The following GRIK4 variants were observed in gnomAD, a reference collection of about 807,000 sequenced individuals.
GRIK4 encodes the protein glutamate receptor ionotropic, kainate 4.
In GRIK4, 40 loss-of-function variants were observed where a neutral mutation model predicts 104.9. The observed-to-expected ratio is 0.38, with a 90% CI of 0.30 to 0.50. GRIK4 has a LOEUF of 0.50. GRIK4 is among the 20% of genes least tolerant of loss of function. GRIK4 has a pLI of 0.93. For synonymous variants in GRIK4, 485 were observed against 524.9 expected (o/e 0.92, Z 1.04); for missense variants, 1,047 against 1,308.1 (o/e 0.80, Z 3.08).
chr11:120,962,851 A>G, intron 18 of GRIK4, 170 bp downstream of exon 18: 1 of 540,574 alleles, frequency 1.8e-6, no homozygotes, highest in South Asian at 2.8e-5. Context: ...AAGCAAACAC[A>G]CATATTTCCT....
intron 7 of GRIK4, among the ~76,000 whole-genome samples, chr11:120,835,186 A>G (rs1029965561): frequency 1.3e-5 from 2 of 152,140 alleles, no homozygotes; most frequent in African/African-American, 4.8e-5. Flanking sequence ...ACCATGATAG[A>G]GTTACCCCCG....
chr11:120,845,146 G>A (rs192233660), intron 8 of GRIK4, among the ~76,000 whole-genome samples: 7 of 152,300 alleles, frequency 4.6e-5, no homozygotes, highest in Admixed American at 3.9e-4. Flanking sequence ...CAATGGCTTG[G>A]CATATGAGGT....
chr11:120,543,179 G>A lies in GRIK4; in HGVS notation c.-159+31292G>A, dbSNP rs1005603179. ...ATTGAGTACTAGGCTTAGTACCTGG[G>A]TGATGAAATAATCTGTACATCAAAC... On this transcript the variant is annotated intron_variant, in intron 1 of 20. Transcript: ENST00000527524. Among the ~76,000 whole-genome samples the A allele has an allele frequency of 3.4e-4, 51 of 152,182 alleles. 1 individual carries two copies. The highest frequency in any genetic ancestry group is 1.2e-3 in the African/African-American group (51 of 41,434).
rs767151431 is a variant in GRIK4 at position 120,953,923 on chromosome 11, T to G, written c.1700+959T>G. Among the ~76,000 whole-genome samples the G allele has an allele frequency of 6.6e-6, 1 of 152,178 alleles. No individual in the cohort carries two copies. The highest frequency in any genetic ancestry group is 1.5e-5 in the Non-Finnish European group (1 of 68,030). On this transcript the variant is annotated intron_variant, in intron 15 of 20. Transcript: ENST00000527524. The surrounding 1 kb of genome is among the most constrained non-coding windows in gnomAD (Gnocchi z 4.9). ...GAGCAGAGAACTACTCAGGAGGAGCTTCTGGAATCTGTCCGTGGCTCTGGT... is the reference window on the plus strand; with the variant it reads ...GAGCAGAGAACTACTCAGGAGGAGCGTCTGGAATCTGTCCGTGGCTCTGGT...
At chr11:120,695,871 G>A (rs1420040214) in intron 3 of GRIK4, among the ~76,000 whole-genome samples, 1 of 152,204 alleles carries the variant, frequency 6.6e-6, no homozygotes, top group African/African-American at 2.4e-5. Flanking sequence ...AGGAGCAATT[G>A]AAGGGACAAG....
At chr11:120,925,464 G>T (rs1196131108) in intron 13 of GRIK4, among the ~76,000 whole-genome samples, 1 of 152,150 alleles carries the variant, frequency 6.6e-6, no homozygotes, top group Non-Finnish European at 1.5e-5. Context: ...ATTAGTTCAG[G>T]TCTGCAGGTT....
chr11:120,898,790 G>C, intron 12 of GRIK4, 151 bp downstream of exon 12: 1 of 621,484 alleles, frequency 1.6e-6, no homozygotes, highest in South Asian at 1.9e-5. Context: ...TCAAGTTGCT[G>C]TTTCATATGG....
At chr11:120,562,947 G>A (rs538950976) in intron 1 of GRIK4, among the ~76,000 whole-genome samples, 1 of 152,322 alleles carries the variant, frequency 6.6e-6, no homozygotes. Context: ...GGCAGTGGGG[G>A]ACCCTATTTT....
At chr11:120,885,698 C>A (rs925058574) in intron 11 of GRIK4, among the ~76,000 whole-genome samples, 2 of 152,148 alleles carry the variant, frequency 1.3e-5, no homozygotes, top group African/African-American at 2.4e-5. Flanking sequence ...AACAGAAATT[C>A]TTAAAATCAC....
intron 11 of GRIK4, among the ~76,000 whole-genome samples, chr11:120,888,782 A>G (rs115173443): frequency 0.022 from 3,409 of 152,274 alleles, 116 homozygotes; most frequent in African/African-American, 0.076. Flanking sequence ...TGCTATGTGC[A>G]TTACACCCTG....
At chr11:120,582,493 T>C (rs1270975061) in intron 1 of GRIK4, among the ~76,000 whole-genome samples, 7 of 152,180 alleles carry the variant, frequency 4.6e-5, no homozygotes, top group Non-Finnish European at 8.8e-5. Context: ...CTTTGCTGTC[T>C]GTTGTTCCCT....
At position 120,961,083 on chromosome 11, in the gene GRIK4, C is replaced by T. The variant is rs777202057; in HGVS notation, c.2040+9C>T. ...GCATGACCTTCTTCCAAGTAAACCC[C>T]ATTTGGTTGCTCACCAGCATCGGGA... On this transcript the variant is annotated intron_variant, in intron 17 of 20. Coordinates refer to ENST00000527524, the MANE Select transcript of GRIK4 (RefSeq NM_014619.5). 1.9e-6 allele frequency: 3 copies of T among 1,612,450 alleles called. No individual in the cohort carries two copies. Among genetic ancestry groups the T allele is most frequent in the Non-Finnish European group, 2.5e-6 (3 of 1,178,980 alleles).
At chr11:120,848,775 C>T (rs1412458824) in intron 8 of GRIK4, among the ~76,000 whole-genome samples, 1 of 152,108 alleles carries the variant, frequency 6.6e-6, no homozygotes, top group Non-Finnish European at 1.5e-5. Flanking sequence ...AGGTCTTTAT[C>T]CCACCCAGAG....
rs528298121 is a variant in GRIK4 at position 120,791,784 on chromosome 11, G to T, written c.83-10909G>T. On this transcript the variant is annotated intron_variant, in intron 3 of 20. Transcript: ENST00000527524. ...TGCATATGGCATGAGTAAGGATTGG[G>T]ATTTCTTTAACATATGGATATCCAA... Among the ~76,000 whole-genome samples, 49 of 152,230 alleles carry T rather than the reference G, an allele frequency of 3.2e-4. 1 individual carries two copies. Among genetic ancestry groups the T allele is most frequent in the African/African-American group, 1.1e-3 (47 of 41,494 alleles).
chr11:120,585,968 G>C (rs1403144421), intron 1 of GRIK4, among the ~76,000 whole-genome samples: 1 of 151,392 alleles, frequency 6.6e-6, no homozygotes. Flanking sequence ...GGAATTCAGA[G>C]TTGTGTTTTA....
At chr11:120,852,560 G>T (rs917987054) in intron 8 of GRIK4, among the ~76,000 whole-genome samples, 7 of 152,196 alleles carry the variant, frequency 4.6e-5, no homozygotes, top group African/African-American at 1.2e-4. Flanking sequence ...TAGGAAACAT[G>T]CAGGGAGAAG....
At chr11:120,667,112 C>A (rs1423299836) in intron 3 of GRIK4, among the ~76,000 whole-genome samples, 1 of 152,160 alleles carries the variant, frequency 6.6e-6, no homozygotes, top group Non-Finnish European at 1.5e-5. Context: ...CTCTAAGACC[C>A]CCTTCAGTCT....
chr11:120,623,396 G>T (rs948729806), intron 1 of GRIK4, among the ~76,000 whole-genome samples: 10 of 152,114 alleles, frequency 6.6e-5, no homozygotes, highest in Non-Finnish European at 1.5e-5. Flanking sequence ...GACTCCCAAA[G>T]TACTGGGATT....
At chr11:120,728,834 A>T (rs759819162) in intron 3 of GRIK4, among the ~76,000 whole-genome samples, 4 of 152,168 alleles carry the variant, frequency 2.6e-5, no homozygotes, top group Non-Finnish European at 4.4e-5. Context: ...CTGTTGTGCT[A>T]GCAAATACTA....
Sources: allele counts gnomAD v4.1 joint callset (sites outside exome capture counted in the v4.1 genomes callset), GRCh38; gene constraint gnomAD v4.1.1; non-coding constraint Gnocchi (gnomAD v3.1); transcripts MANE v1.5; gene names NCBI Gene and HGNC (gene_info 2026-07-23, HGNC 2026-07-21).